WDR88: variants seen among roughly 807,000 people sequenced by gnomAD.
WDR88 encodes WD repeat domain 88.
A neutral mutation model predicts 46.8 loss-of-function variants in WDR88; 40 were observed. The observed-to-expected ratio is 0.86, with a 90% CI of 0.66 to 1.11. The LOEUF (loss-of-function observed/expected upper bound fraction) is 1.11, where lower values mean the gene tolerates loss of function less well. Ranked by LOEUF, WDR88 falls within the 50% of genes most tolerant of loss-of-function variation. WDR88 has a pLI of 0.00. For missense variants in WDR88, 562 were observed against 602.4 expected, an observed-to-expected ratio of 0.93 and a Z score of 0.70; for synonymous variants, 235 against 240.7, an observed-to-expected ratio of 0.98 and a Z score of 0.22.
chr19:33,161,154 T>C (rs1973859304), intron 8 of WDR88, among the ~76,000 whole-genome samples: 1 of 151,932 alleles, frequency 6.6e-6, no homozygotes, highest in Non-Finnish European at 1.5e-5. Flanking sequence ...GCCTGGGCGA[T>C]AGACTGAGAT....
At chr19:33,137,255 A>T (rs1325822079) in intron 1 of WDR88, among the ~76,000 whole-genome samples, 2 of 136,906 alleles carry the variant, frequency 1.5e-5, no homozygotes, top group Non-Finnish European at 3.2e-5. Flanking sequence ...CCCAGCCAGA[A>T]TTTTTTTTTT....
rs746993917 is a variant in WDR88 at position 33,132,136 on chromosome 19, CT to C, written c.-32del. ...CGCGGCGCCACCGTTCCCATCCAGGCTTGTCGGCGGCCACCGGCGGACCGGG... is the reference window on the plus strand; with the variant it reads ...CGCGGCGCCACCGTTCCCATCCAGGCTGTCGGCGGCCACCGGCGGACCGGG... On this transcript the variant is annotated 5_prime_UTR_variant, in exon 1 of 11. Transcript: ENST00000355868. 7.1e-6 allele frequency: 11 copies of C among 1,554,770 alleles called. No homozygotes were observed. The South Asian group carries it at 1.3e-4, about 18-fold the overall frequency.
At chr19:33,170,826 C>T (rs1568372518) in intron 9 of WDR88, among the ~76,000 whole-genome samples, 1 of 151,968 alleles carries the variant, frequency 6.6e-6, no homozygotes, top group Non-Finnish European at 1.5e-5. Context: ...CATGCCACTG[C>T]ACTCGGGCCT....
intron 8 of WDR88, 87 bp from the exon 9 acceptor site, chr19:33,164,110 G>A (rs1057228215): frequency 6.2e-6 from 8 of 1,286,468 alleles, no homozygotes; most frequent in African/African-American, 5.9e-5. Context: ...GCAGGTTACA[G>A]GTGTGAGCCA....
At position 33,172,445 on chromosome 19, in the gene WDR88, G is replaced by C; in HGVS notation, c.1242+5G>C. The stretch of plus-strand genomic sequence containing the variant: ...GTGGGCTTAAAGTTGAAACAGGTTG[G>C]TATTGGGTAAAATTAAGCCCAGTGA... On this transcript the variant is annotated splice_donor_5th_base_variant and intron_variant, in intron 10 of 10. Coordinates refer to ENST00000355868, the MANE Select transcript of WDR88 (RefSeq NM_173479.4). The C allele has an allele frequency of 6.2e-7, 1 of 1,611,044 alleles. No homozygotes were observed. The highest frequency in any genetic ancestry group is 2.2e-5 in the East Asian group (1 of 44,858).
chr19:33,147,594 C>T, intron 3 of WDR88, 51 bp from the exon 4 acceptor site: 3 of 1,582,806 alleles, frequency 1.9e-6, no homozygotes, highest in Non-Finnish European at 2.6e-6. Flanking sequence ...CAGAAAGACA[C>T]CCTGTCTCAA....
At chr19:33,168,976 C>T (rs575752119) in intron 9 of WDR88, among the ~76,000 whole-genome samples, 137 of 152,094 alleles carry the variant, frequency 9.0e-4, no homozygotes, top group African/African-American at 3.1e-3. Context: ...ACGAGGGTGC[C>T]GAGACCATTC....
intron 3 of WDR88, among the ~76,000 whole-genome samples, chr19:33,147,262 C>T (rs760850068): frequency 8.1e-5 from 12 of 148,140 alleles, no homozygotes; most frequent in African/African-American, 1.5e-4. Context: ...AGGCGGGGGG[C>T]GGGGGAGGAT....
At chr19:33,140,560 C>A (rs756552461) in intron 2 of WDR88, among the ~76,000 whole-genome samples, 1 of 152,130 alleles carries the variant, frequency 6.6e-6, no homozygotes, top group Non-Finnish European at 1.5e-5. Context: ...GAGGCCGAGG[C>A]GAGCAAATCA....
intron 10 of WDR88, among the ~76,000 whole-genome samples, chr19:33,172,958 GGTGCACACCT>G (rs747514830): frequency 1.2e-4 from 18 of 151,842 alleles, no homozygotes; most frequent in Non-Finnish European, 2.4e-4. Flanking sequence ...CAGGCTTGGT[GGTGCACACCT>G]GTACTACCAG....
chr19:33,172,300 G>A (rs1599920814), intron 9 of WDR88, 48 bp from the exon 10 acceptor site: 2 of 1,466,702 alleles, frequency 1.4e-6, no homozygotes. Flanking sequence ...CCTTTGTATG[G>A]ATGTACCACA....
intron 10 of WDR88, 29 bp downstream of exon 10, chr19:33,172,469 G>A (rs909487734): frequency 1.9e-6 from 3 of 1,565,892 alleles, no homozygotes; most frequent in Non-Finnish European, 2.6e-6. Flanking sequence ...TAAGCCCAGT[G>A]AAGGCTTTCG....
At position 33,157,683 on chromosome 19, in the gene WDR88, GTATGTATATATATATATATATATATA is replaced by G. The variant is rs1281935153; in HGVS notation, c.997+1145_997+1170del. Among the ~76,000 whole-genome samples, 56 of 6,450 alleles carry G rather than the reference GTATGTATATATATATATATATATATA, an allele frequency of 8.7e-3. 2 individuals carry two copies. The highest frequency in any genetic ancestry group is 0.013 in the East Asian group (7 of 536). The allele number at this position is 6,450 out of a possible 152,430, so 4.2% of individuals were successfully genotyped here. ...TATGTATGTATGTGTGTGTGTGTAT[GTATGTATATATATATATATATATATA>G]TATATATATATATATATATATATAT... On this transcript the variant is annotated intron_variant, in intron 7 of 10. Transcript: ENST00000355868.
intron 6 of WDR88, among the ~76,000 whole-genome samples, chr19:33,152,569 G>C (rs908305082): frequency 2.0e-5 from 3 of 152,122 alleles, no homozygotes; most frequent in Non-Finnish European, 2.9e-5. Context: ...AGGTTCATCT[G>C]TGTTGTAGCC....
intron 6 of WDR88, among the ~76,000 whole-genome samples, chr19:33,154,019 TA>T (rs1973686540): frequency 6.6e-6 from 1 of 152,100 alleles, no homozygotes; most frequent in Non-Finnish European, 1.5e-5. Flanking sequence ...TTCAGCCATT[TA>T]AAAAAATTAC....
At chr19:33,169,842 C>T (rs1974008946) in intron 9 of WDR88, among the ~76,000 whole-genome samples, 1 of 152,180 alleles carries the variant, frequency 6.6e-6, no homozygotes, top group African/African-American at 2.4e-5. Context: ...ACGGTATAGG[C>T]TATATCTATC....
chr19:33,151,228 C>A lies in WDR88; in HGVS notation c.727C>A (p.Gln243Lys). The change falls in exon 6 of 11, where the codon CAG becomes AAG. Residue 243 changes from glutamine to lysine, a missense_variant. Coordinates refer to ENST00000355868, the MANE Select transcript of WDR88 (RefSeq NM_173479.4). The part of the protein sequence containing the change: ...ITSCCFDPDS[Q>K]RVASVSLDRC... The stretch of plus-strand genomic sequence containing the variant: ...GTCATGCTGCTTTGACCCCGACAGC[C>A]AGAGGGTGGCTTCTGTCTCATTGGA... 6.2e-7 allele frequency: 1 copy of A among 1,613,860 alleles called. No individual in the cohort carries two copies. The highest frequency in any genetic ancestry group is 8.5e-7 in the Non-Finnish European group (1 of 1,179,924).
At chr19:33,137,255 AT>A (rs71176200) in intron 1 of WDR88, among the ~76,000 whole-genome samples, 51,600 of 136,696 alleles carry the variant, frequency 0.38, 10,647 homozygotes, top group African/African-American at 0.58. Context: ...CCCAGCCAGA[AT>A]TTTTTTTTTT....
rs1231101220 is a variant in WDR88 at position 33,148,817 on chromosome 19, C to A, written c.586C>A (p.Pro196Thr). The change falls in exon 5 of 11, where the codon CCT (proline) becomes ACT (threonine). Residue 196 changes from proline (P) to threonine (T), a missense_variant. Pro to Thr is a conservative substitution (Grantham distance 38). Transcript: ENST00000355868. The part of the protein sequence containing the change: ...DTFIVSCKFS[P>T]DGKYVVSGFD... ...CTTCATCGTCTCCTGTAAGTTTTCTCCTGATGGTAAATACGTGGTCTCAGG... is the reference window on the plus strand; with the variant it reads ...CTTCATCGTCTCCTGTAAGTTTTCTACTGATGGTAAATACGTGGTCTCAGG... The A allele has an allele frequency of 4.3e-6, 7 of 1,614,094 alleles. No homozygotes were observed. The South Asian group carries it at 7.7e-5, about 18-fold the overall frequency.
Sources: allele counts gnomAD v4.1 joint callset (sites outside exome capture counted in the v4.1 genomes callset), GRCh38; gene constraint gnomAD v4.1.1; transcripts MANE v1.5; gene names NCBI Gene and HGNC (gene_info 2026-07-23, HGNC 2026-07-21).